PRKG1: variants seen among roughly 807,000 people sequenced by gnomAD.
PRKG1 encodes the protein protein kinase cGMP-dependent 1, also known as cGMP-dependent protein kinase 1.
PRKG1 carries 35 observed loss-of-function variants against 88.1 expected under a neutral mutation model. That is an observed-to-expected ratio of 0.40 (90% CI 0.30 to 0.53). The LOEUF is 0.53. PRKG1 is among the 20% of genes least tolerant of loss of function. The pLI is 0.59. For synonymous variants in PRKG1, 303 were observed against 292.5 expected, an observed-to-expected ratio of 1.04 and a Z score of -0.37; for missense variants, 540 against 839.8, an observed-to-expected ratio of 0.64 and a Z score of 4.41.
chr10:51,607,280 G>A (rs1458575622), intron 3 of PRKG1, among the ~76,000 whole-genome samples: 1 of 152,206 alleles, frequency 6.6e-6, no homozygotes, highest in African/African-American at 2.4e-5. Context: ...ACCGTCCTTA[G>A]TAAGTCCAAT....
intron 5 of PRKG1, among the ~76,000 whole-genome samples, chr10:51,911,989 C>T (rs1368679173): frequency 6.6e-6 from 1 of 152,148 alleles, no homozygotes; most frequent in Non-Finnish European, 1.5e-5. Context: ...TGCGCTCTCT[C>T]ATAGCATGTG....
intron 3 of PRKG1, among the ~76,000 whole-genome samples, chr10:51,721,772 G>T (rs1395430880): frequency 6.6e-6 from 1 of 152,044 alleles, no homozygotes; most frequent in Non-Finnish European, 1.5e-5. Context: ...GTGTGAAATG[G>T]CAACTCTAAA....
chr10:52,277,309 C>T (rs190042271), intron 12 of PRKG1, among the ~76,000 whole-genome samples: 78 of 152,218 alleles, frequency 5.1e-4, no homozygotes, highest in African/African-American at 1.8e-3. Flanking sequence ...CAGTCAGAAG[C>T]ACTTAAATAA....
intron 5 of PRKG1, among the ~76,000 whole-genome samples, chr10:52,020,139 A>G (rs61336649): frequency 0.016 from 2,391 of 152,004 alleles, 73 homozygotes; most frequent in African/African-American, 0.054. Flanking sequence ...TACTCATTAG[A>G]GTCATATGAG....
intron 2 of PRKG1, among the ~76,000 whole-genome samples, chr10:51,436,054 G>A (rs1838918318): frequency 6.6e-6 from 1 of 151,836 alleles, no homozygotes; most frequent in Admixed American, 6.6e-5. Flanking sequence ...AATCTGACTT[G>A]CCAACTACAT....
chr10:52,044,607 A>G (rs149338842), intron 5 of PRKG1, among the ~76,000 whole-genome samples: 255 of 152,302 alleles, frequency 1.7e-3, no homozygotes, highest in African/African-American at 6.0e-3. Context: ...AATACGTTTT[A>G]CACTTGGGTC....
intron 1 of PRKG1, among the ~76,000 whole-genome samples, chr10:51,078,837 T>C (rs9414809): frequency 0.4 from 60,987 of 151,632 alleles, 15,345 homozygotes; most frequent in African/African-American, 0.72. Flanking sequence ...AGGATGGTCT[T>C]GATCTCCTGA....
intron 1 of PRKG1, among the ~76,000 whole-genome samples, chr10:51,089,199 A>C (rs1844337432): frequency 6.6e-6 from 1 of 152,122 alleles, no homozygotes; most frequent in Non-Finnish European, 1.5e-5. Context: ...AACTCTAATA[A>C]ATGTGTAATC....
intron 2 of PRKG1, among the ~76,000 whole-genome samples, chr10:51,426,711 C>T (rs905183306): frequency 1.3e-5 from 2 of 151,690 alleles, no homozygotes; most frequent in Admixed American, 6.6e-5. Flanking sequence ...CACACACACA[C>T]ACATATACAG....
chr10:51,783,738 A>G (rs901832582), intron 3 of PRKG1, among the ~76,000 whole-genome samples: 2 of 152,080 alleles, frequency 1.3e-5, no homozygotes, highest in African/African-American at 4.8e-5. Context: ...GATTTTGATT[A>G]CCTCTCAAGT....
At chr10:51,252,898 G>C (rs972713673) in intron 2 of PRKG1, among the ~76,000 whole-genome samples, 1 of 151,726 alleles carries the variant, frequency 6.6e-6, no homozygotes, top group Non-Finnish European at 1.5e-5. Flanking sequence ...TCAGAAGCAA[G>C]AAAAAACAGA....
At chr10:51,991,841 G>A (rs181638361) in intron 5 of PRKG1, among the ~76,000 whole-genome samples, 117 of 152,268 alleles carry the variant, frequency 7.7e-4, no homozygotes, top group African/African-American at 2.3e-3. Flanking sequence ...ATAAACATAC[G>A]TGTGCATGTG....
intron 4 of PRKG1, among the ~76,000 whole-genome samples, chr10:51,864,573 T>C (rs74547297): frequency 0.089 from 13,506 of 152,258 alleles, 745 homozygotes; most frequent in African/African-American, 0.14. Context: ...ATTAAGCAGA[T>C]ACATATTTTA....
chr10:52,217,091 ACAGGT>A (rs1197038888), intron 9 of PRKG1, among the ~76,000 whole-genome samples: 2 of 152,122 alleles, frequency 1.3e-5, no homozygotes, highest in African/African-American at 2.4e-5. Context: ...TTCTCAAACC[ACAGGT>A]CATGGAAGGG....
At chr10:51,475,342 C>A (rs970789139) in intron 3 of PRKG1, among the ~76,000 whole-genome samples, 10 of 151,874 alleles carry the variant, frequency 6.6e-5, no homozygotes, top group Admixed American at 1.3e-4. Flanking sequence ...ATCTGTGGCC[C>A]CTGCTCTACT....
Position 51,777,207 on chromosome 10 carries a change from G to A in PRKG1, c.593-27378G>A, listed in dbSNP as rs543775421. Among the ~76,000 whole-genome samples the A allele has an allele frequency of 3.3e-4, 50 of 152,138 alleles. No individual in the cohort carries two copies. In the South Asian group the frequency reaches 0.01, roughly 32 times the overall value. The stretch of plus-strand genomic sequence containing the variant: ...TACTATTTGACAGACACTATTAGGT[G>A]ATTTACAGAAATAATCTTTCATCTT... On this transcript the variant is annotated intron_variant, in intron 3 of 17. Transcript: ENST00000373980.
intron 3 of PRKG1, among the ~76,000 whole-genome samples, chr10:51,596,120 C>A (rs1013541234): frequency 2.0e-5 from 3 of 152,158 alleles, no homozygotes; most frequent in African/African-American, 7.2e-5. Context: ...TGAGTCACCT[C>A]GCCTGGCCCT....
chr10:51,823,690 T>A (rs1468897316), intron 4 of PRKG1, among the ~76,000 whole-genome samples: 9 of 152,002 alleles, frequency 5.9e-5, no homozygotes, highest in Non-Finnish European at 1.5e-5. Flanking sequence ...TAGCTATGCA[T>A]TTTTTAGGTT....
intron 3 of PRKG1, among the ~76,000 whole-genome samples, chr10:51,484,220 G>T (rs1035657879): frequency 6.6e-6 from 1 of 152,038 alleles, no homozygotes; most frequent in Admixed American, 6.6e-5. Context: ...CCCTTTCATA[G>T]GGGATAGTAA....
Sources: allele counts gnomAD v4.1 joint callset (sites outside exome capture counted in the v4.1 genomes callset), GRCh38; gene constraint gnomAD v4.1.1; transcripts MANE v1.5; gene names NCBI Gene and HGNC (gene_info 2026-07-23, HGNC 2026-07-21).